The following DOCK8 variants were observed in gnomAD, a reference collection of about 807,000 sequenced individuals.
DOCK8 encodes the protein dedicator of cytokinesis 8, also known as dedicator of cytokinesis protein 8.
A neutral mutation model predicts 245.6 loss-of-function variants in DOCK8; 141 were observed. That is an observed-to-expected ratio of 0.57 (90% CI 0.50 to 0.66). DOCK8 has a LOEUF of 0.66. DOCK8 is among the 30% of genes least tolerant of loss of function. The pLI is 0.00. For synonymous variants in DOCK8, 1,168 were observed against 970.2 expected (o/e 1.20, Z -3.79); for missense variants, 2,965 against 2,603.4 (o/e 1.14, Z -3.02).
chr9:370,997 A>C (rs1304870967), intron 16 of DOCK8, among the ~76,000 whole-genome samples: 1 of 152,186 alleles, frequency 6.6e-6, no homozygotes, highest in Non-Finnish European at 1.5e-5. Flanking sequence ...TAATGCAGTT[A>C]AATTGGTTCC....
At chr9:277,476 GA>G (rs2048400771) in intron 2 of DOCK8, among the ~76,000 whole-genome samples, 5 of 146,068 alleles carry the variant, frequency 3.4e-5, no homozygotes, top group African/African-American at 1.4e-4. Flanking sequence ...GAAGAGAAGA[GA>G]AGAGAAGAGA....
At chr9:333,367 C>G (rs547652880) in intron 10 of DOCK8, among the ~76,000 whole-genome samples, 2 of 152,106 alleles carry the variant, frequency 1.3e-5, no homozygotes, top group Non-Finnish European at 1.5e-5. Flanking sequence ...TTTGGGAGGC[C>G]AAGGCGGGCA....
chr9:277,713 T>G (rs2048415812), intron 2 of DOCK8, among the ~76,000 whole-genome samples: 3 of 151,990 alleles, frequency 2.0e-5, no homozygotes, highest in Admixed American at 2.0e-4. Flanking sequence ...AATTTTGAAG[T>G]GAAATGGAAT....
intron 18 of DOCK8, among the ~76,000 whole-genome samples, chr9:373,690 T>C (rs911767283): frequency 3.9e-5 from 6 of 152,226 alleles, no homozygotes; most frequent in African/African-American, 1.4e-4. Context: ...CCGGCTGTTT[T>C]CCTCTTATTT....
intron 1 of DOCK8, among the ~76,000 whole-genome samples, chr9:227,876 T>C (rs531891112): frequency 1.2e-3 from 180 of 152,114 alleles, no homozygotes; most frequent in Non-Finnish European, 2.0e-3. Context: ...GGAGGGGGGA[T>C]TTGGCCAACA....
chr9:427,853 T>C (rs2131699312), intron 34 of DOCK8, among the ~76,000 whole-genome samples: 1 of 152,354 alleles, frequency 6.6e-6, no homozygotes, highest in South Asian at 2.1e-4. Flanking sequence ...AGCACAATAT[T>C]AGGTGCCAAA....
At chr9:226,371 G>A (rs962884742) in intron 1 of DOCK8, among the ~76,000 whole-genome samples, 1 of 152,158 alleles carries the variant, frequency 6.6e-6, no homozygotes, top group South Asian at 2.1e-4. Context: ...ATGAGATTTG[G>A]GTGGAGACAA....
intron 10 of DOCK8, among the ~76,000 whole-genome samples, chr9:333,790 T>C (rs761320989): frequency 7.9e-5 from 12 of 152,076 alleles, no homozygotes; most frequent in Non-Finnish European, 1.2e-4. Flanking sequence ...TTAGGAAGCT[T>C]TTTAGAATTT....
chr9:459,944 A>T (rs1434929233), intron 46 of DOCK8: 1 of 152,356 alleles, frequency 6.6e-6, no homozygotes, highest in East Asian at 1.9e-4. Flanking sequence ...CCTCCACCAC[A>T]TCCTATTCAG....
intron 27 of DOCK8, 107 bp from the exon 28 acceptor site, chr9:406,823 G>A (rs1299052449): frequency 1.3e-5 from 18 of 1,437,122 alleles, no homozygotes; most frequent in Non-Finnish European, 1.8e-5. Context: ...ACCTCACTGG[G>A]GAGGGCTCAC....
At chr9:443,391 A>G (rs2057152836) in intron 42 of DOCK8, 36 bp from the exon 43 acceptor site, 4 of 1,589,982 alleles carry the variant, frequency 2.5e-6, no homozygotes, top group Non-Finnish European at 2.6e-6. Flanking sequence ...ATTATGTTAA[A>G]ATAACCTTTA....
chr9:355,192 C>CTTTTCTT (rs2052367988), intron 14 of DOCK8, among the ~76,000 whole-genome samples: 1 of 121,088 alleles, frequency 8.3e-6, no homozygotes, highest in African/African-American at 3.3e-5. Flanking sequence ...TGTTTCTTTT[C>CTTTTCTT]TTTTTTTTTT....
intron 43 of DOCK8, among the ~76,000 whole-genome samples, chr9:445,417 T>G (rs569653853): frequency 3.1e-4 from 47 of 152,350 alleles, no homozygotes; most frequent in African/African-American, 1.1e-3. Context: ...GTCACTTTTT[T>G]TCCTAAGAGA....
At chr9:400,076 T>TCAC (rs1216723859) in intron 26 of DOCK8, among the ~76,000 whole-genome samples, 4 of 21,590 alleles carry the variant, frequency 1.9e-4, no homozygotes, top group African/African-American at 5.6e-4. Flanking sequence ...ACCATCACCA[T>TCAC]CACCACCACC....
chr9:385,909 G>A (rs1473323445), intron 22 of DOCK8, among the ~76,000 whole-genome samples: 1 of 152,084 alleles, frequency 6.6e-6, no homozygotes, highest in African/African-American at 2.4e-5. Context: ...GTCTGATAGA[G>A]CATGAGCACT....
At chr9:303,627 C>A (rs1201023258) in intron 4 of DOCK8, among the ~76,000 whole-genome samples, 1 of 152,064 alleles carries the variant, frequency 6.6e-6, no homozygotes, top group Non-Finnish European at 1.5e-5. Flanking sequence ...CGGTAGACAC[C>A]AGGGATTACT....
At chr9:398,118 G>T (rs780959610) in intron 25 of DOCK8, among the ~76,000 whole-genome samples, 1 of 152,202 alleles carries the variant, frequency 6.6e-6, no homozygotes, top group Non-Finnish European at 1.5e-5. Context: ...GGAACAGCAT[G>T]GTATCTCCAC....
rs553470544 is a variant in DOCK8 at position 270,846 on chromosome 9, G to A, written c.54-781G>A. Among the ~76,000 whole-genome samples, 24 of 152,262 alleles carry A rather than the reference G, an allele frequency of 1.6e-4. 1 individual carries two copies. The South Asian group carries it at 4.6e-3, about 29-fold the overall frequency. On this transcript the variant is annotated intron_variant, in intron 1 of 47. Coordinates refer to ENST00000432829, the MANE Select transcript of DOCK8 (RefSeq NM_203447.4). ...AATACACTTTTGTGAACTAGCCTGA[G>A]AATCCAACCACCAACACAATGATGT...
intron 1 of DOCK8, 76 bp downstream of exon 1, chr9:215,105 G>A (rs1469020556): frequency 6.6e-7 from 1 of 1,507,634 alleles, no homozygotes; most frequent in African/African-American, 1.4e-5. Context: ...TCGCTGCAGG[G>A]GCCGAGGCCG....
Sources: allele counts gnomAD v4.1 joint callset (sites outside exome capture counted in the v4.1 genomes callset), GRCh38; gene constraint gnomAD v4.1.1; transcripts MANE v1.5; gene names NCBI Gene and HGNC (gene_info 2026-07-23, HGNC 2026-07-21).